Variants in CNBD1 observed in about 807,000 individuals in gnomAD.
The protein encoded by CNBD1 is cyclic nucleotide-binding domain-containing protein 1.
CNBD1 carries 71 observed loss-of-function variants against 54.4 expected under a neutral mutation model. That is an observed-to-expected ratio of 1.30 (90% confidence interval 1.08 to 1.59). The LOEUF is 1.59. Ranked by LOEUF, CNBD1 falls within the 40% of genes most tolerant of loss-of-function variation. The pLI, the probability that CNBD1 is intolerant of heterozygous loss-of-function variation, is 0.00. For missense variants in CNBD1, 659 were observed against 518.0 expected (o/e 1.27, Z -2.64); for synonymous variants, 182 against 170.7 (o/e 1.07, Z -0.51).
chr8:87,353,744 A>G lies in CNBD1; in HGVS notation c.1261A>G (p.Lys421Glu). 2 of 1,611,368 alleles carry G rather than the reference A, an allele frequency of 1.2e-6. No homozygotes were observed. The highest frequency in any genetic ancestry group is 1.7e-6 in the Non-Finnish European group (2 of 1,178,728). The change falls in exon 10 of 11, where the codon AAA (lysine) becomes GAA (glutamate). Residue 421 changes from lysine (K) to glutamate (E), a missense_variant. Lys to Glu is a moderately conservative substitution (Grantham distance 56). Coordinates refer to ENST00000518476, the MANE Select transcript of CNBD1 (RefSeq NM_173538.3). Reference protein sequence around the residue: ...VPFTCTIITKKEVEMAIIEDK... With the variant: ...VPFTCTIITKEEVEMAIIEDK... The stretch of plus-strand genomic sequence containing the variant: ...TTTCACGTGCACAATCATTACCAAA[A>G]AAGAAGTTGAGATGGCAATCATTGA...
intron 3 of CNBD1, among the ~76,000 whole-genome samples, chr8:86,908,104 C>A (rs1809045355): frequency 6.6e-6 from 1 of 152,030 alleles, no homozygotes; most frequent in Non-Finnish European, 1.5e-5. Context: ...CAGTCATGTT[C>A]AAGGAGAGTA....
At chr8:87,084,774 T>C (rs546652968) in intron 4 of CNBD1, among the ~76,000 whole-genome samples, 1 of 152,238 alleles carries the variant, frequency 6.6e-6, no homozygotes, top group East Asian at 1.9e-4. Flanking sequence ...CCTCCCAGGT[T>C]CAAGGGATTC....
intron 4 of CNBD1, among the ~76,000 whole-genome samples, chr8:86,992,972 G>T (rs1208877879): frequency 2.0e-5 from 3 of 152,008 alleles, no homozygotes; most frequent in African/African-American, 7.2e-5. Context: ...GAGGTTCTCT[G>T]TATTTCTTGA....
At chr8:87,271,083 A>G (rs1808353566) in intron 6 of CNBD1, among the ~76,000 whole-genome samples, 1 of 151,494 alleles carries the variant, frequency 6.6e-6, no homozygotes, top group African/African-American at 2.4e-5. Flanking sequence ...ATTCTCTCTA[A>G]TGATTCTCTG....
intron 2 of CNBD1, among the ~76,000 whole-genome samples, chr8:86,897,750 C>G (rs1398368058): frequency 2.0e-5 from 3 of 152,136 alleles, no homozygotes; most frequent in Non-Finnish European, 2.9e-5. Context: ...GGCAAGGAAG[C>G]CTATGAAGTG....
chr8:87,094,435 T>G (rs1220306490), intron 4 of CNBD1, among the ~76,000 whole-genome samples: 1 of 151,020 alleles, frequency 6.6e-6, no homozygotes, highest in Non-Finnish European at 1.5e-5. Flanking sequence ...TGATTTTTTT[T>G]CTTTAATGCT....
rs952279011 is a variant in CNBD1 at position 87,031,831 on chromosome 8, C to G, written c.431+92077C>G. Among the ~76,000 whole-genome samples, 4 of 152,150 alleles carry G rather than the reference C, an allele frequency of 2.6e-5. No homozygotes were observed. The South Asian group carries it at 6.2e-4, about 24-fold the overall frequency. ...TCTTGGTTCACCATAAACTCCACCC[C>G]CCAGGTTCAAGCCATTCTCTAGCCT... On this transcript the variant is annotated intron_variant, in intron 4 of 10. Transcript: ENST00000518476.
chr8:87,354,216 A>T (rs952261291), intron 10 of CNBD1, among the ~76,000 whole-genome samples: 3 of 152,054 alleles, frequency 2.0e-5, no homozygotes, highest in African/African-American at 7.2e-5. Context: ...AGTCCTTAGG[A>T]TAATGGTATA....
intron 4 of CNBD1, among the ~76,000 whole-genome samples, chr8:87,105,661 A>C (rs1455519732): frequency 6.6e-6 from 1 of 152,188 alleles, no homozygotes; most frequent in Non-Finnish European, 1.5e-5. Flanking sequence ...CCCACCTGAC[A>C]AAGAGTATAG....
intron 4 of CNBD1, among the ~76,000 whole-genome samples, chr8:87,162,793 G>A (rs942110026): frequency 1.5e-4 from 23 of 152,038 alleles, no homozygotes; most frequent in Non-Finnish European, 2.5e-4. Flanking sequence ...AGGGCAAAAG[G>A]GAGGGAAGTG....
intron 4 of CNBD1, among the ~76,000 whole-genome samples, chr8:87,065,843 T>A (rs941392989): frequency 6.6e-6 from 1 of 151,942 alleles, no homozygotes; most frequent in African/African-American, 2.4e-5. Flanking sequence ...GAGTTGGCGC[T>A]CAAACCCAGT....
intron 8 of CNBD1, among the ~76,000 whole-genome samples, chr8:87,314,107 C>T (rs1279960338): frequency 2.0e-5 from 3 of 150,462 alleles, no homozygotes; most frequent in African/African-American, 4.9e-5. Context: ...GATGCCAATG[C>T]TTTTTTTTTC....
intron 8 of CNBD1, among the ~76,000 whole-genome samples, chr8:87,306,074 C>T (rs992055673): frequency 6.6e-6 from 1 of 152,030 alleles, no homozygotes; most frequent in Admixed American, 6.6e-5. Flanking sequence ...AAAACCATCC[C>T]ATCAAAAAGT....
intron 6 of CNBD1, among the ~76,000 whole-genome samples, chr8:87,278,965 G>T (rs760524144): frequency 6.6e-6 from 1 of 151,318 alleles, no homozygotes; most frequent in African/African-American, 2.4e-5. Context: ...TCAGTAACCT[G>T]AGGTCAACTT....
intron 6 of CNBD1, among the ~76,000 whole-genome samples, chr8:87,282,131 T>G (rs1306959501): frequency 6.6e-6 from 1 of 151,780 alleles, no homozygotes; most frequent in Non-Finnish European, 1.5e-5. Flanking sequence ...GTACTTTTTT[T>G]CAACTTGTAT....
chr8:87,089,460 T>TA (rs2130677188), intron 4 of CNBD1, among the ~76,000 whole-genome samples: 1 of 152,140 alleles, frequency 6.6e-6, no homozygotes, highest in East Asian at 1.9e-4. Flanking sequence ...AGAGGTTAAA[T>TA]ATAATTAGCA....
At chr8:87,113,574 A>G (rs1279839105) in intron 4 of CNBD1, among the ~76,000 whole-genome samples, 1 of 152,188 alleles carries the variant, frequency 6.6e-6, no homozygotes, top group Non-Finnish European at 1.5e-5. Context: ...ATGTATGTTT[A>G]TCTAATTCTA....
intron 2 of CNBD1, among the ~76,000 whole-genome samples, chr8:87,406,757 G>A (rs1323289210): frequency 2.0e-5 from 3 of 151,880 alleles, no homozygotes; most frequent in South Asian, 2.1e-4. Flanking sequence ...GGATTACAGG[G>A]GAAAGCCACC....
intron 8 of CNBD1, among the ~76,000 whole-genome samples, chr8:87,331,386 A>G (rs1053883915): frequency 5.9e-5 from 9 of 152,358 alleles, no homozygotes; most frequent in African/African-American, 2.2e-4. Context: ...TGCAAAGGAC[A>G]TGATCTCATT....
Sources: gnomAD v4.1 joint callset for allele counts (sites outside exome capture counted in the v4.1 genomes callset) on GRCh38, gnomAD v4.1.1 for gene constraint, MANE v1.5 for transcripts, NCBI Gene and HGNC (gene_info 2026-07-23, HGNC 2026-07-21) for gene names.